Variants in CAP2 observed in about 807,000 individuals in gnomAD.
CAP2 encodes adenylyl cyclase-associated protein 2.
A neutral mutation model predicts 57.7 loss-of-function variants in CAP2; 24 were observed. That is an observed-to-expected ratio of 0.42 (90% CI 0.30 to 0.58). The LOEUF is 0.58. Ranked by LOEUF, CAP2 falls within the 20% of genes least tolerant of loss-of-function variation. The probability of loss-of-function intolerance (pLI) is 0.22; values close to 1 mark genes in which losing one functional copy is unlikely to be tolerated. For missense variants in CAP2, 501 were observed against 590.3 expected (o/e 0.85, Z 1.57); for synonymous variants, 194 against 207.2 (o/e 0.94, Z 0.55).
At chr6:17,541,235 T>G in intron 9 of CAP2, 87 bp downstream of exon 9, 1 of 1,080,478 alleles carries the variant, frequency 9.3e-7, no homozygotes, top group Non-Finnish European at 1.3e-6. Context: ...TCTGAAGGAT[T>G]TCTTTTTTTT....
intron 4 of CAP2, among the ~76,000 whole-genome samples, chr6:17,493,886 G>T (rs1029294984): frequency 6.6e-6 from 1 of 151,998 alleles, no homozygotes; most frequent in African/African-American, 2.4e-5. Context: ...GTCTAAATCG[G>T]AATTCCTGGT....
chr6:17,463,313 A>T (rs1431662192), intron 4 of CAP2, among the ~76,000 whole-genome samples: 3 of 152,112 alleles, frequency 2.0e-5, no homozygotes, highest in Non-Finnish European at 4.4e-5. Context: ...AAAAGAAAGA[A>T]AAAAAGCAAT....
rs1425799286 is a variant in CAP2 at position 17,556,972 on chromosome 6, C to T, written c.*530C>T. On this transcript the variant is annotated 3_prime_UTR_variant, in exon 13 of 13. Transcript: ENST00000229922. The stretch of plus-strand genomic sequence containing the variant: ...GCATGAGTACATATTTCAACCCACG[C>T]TTGTAAAAGACATAAGAGTTTATAA... 8.0e-6 allele frequency: 1 copy of T among 125,362 alleles called. No individual in the cohort carries two copies. Among genetic ancestry groups the T allele is most frequent in the Non-Finnish European group, 1.7e-5 (1 of 60,242 alleles). 7.8% of individuals were successfully genotyped at this position (125,362 alleles called of 1,614,324 possible).
chr6:17,394,842 G>A (rs1758629722), intron 1 of CAP2, among the ~76,000 whole-genome samples: 1 of 152,140 alleles, frequency 6.6e-6, no homozygotes, highest in Non-Finnish European at 1.5e-5. Flanking sequence ...GCAAGGATGG[G>A]TTGTTTGGTA....
At chr6:17,487,704 C>T (rs1458566255) in intron 4 of CAP2, among the ~76,000 whole-genome samples, 1 of 152,222 alleles carries the variant, frequency 6.6e-6, no homozygotes, top group Non-Finnish European at 1.5e-5. Flanking sequence ...CTTCTGGCCT[C>T]AGGTGATCCA....
intron 3 of CAP2, among the ~76,000 whole-genome samples, chr6:17,440,745 T>C (rs914531804): frequency 1.3e-5 from 2 of 151,282 alleles, no homozygotes; most frequent in Non-Finnish European, 2.9e-5. Context: ...TATGTACTCA[T>C]GTGCCGTGTT....
chr6:17,454,530 C>G (rs533074963), intron 3 of CAP2, among the ~76,000 whole-genome samples: 3 of 152,222 alleles, frequency 2.0e-5, no homozygotes, highest in Non-Finnish European at 4.4e-5. Flanking sequence ...TCCTTTCACT[C>G]TTCTTTTGTA....
intron 7 of CAP2, among the ~76,000 whole-genome samples, chr6:17,525,811 A>G (rs370184413): frequency 6.6e-6 from 1 of 152,116 alleles, no homozygotes; most frequent in African/African-American, 2.4e-5. Flanking sequence ...GAGCCTTCCA[A>G]ACTAGACACG....
intron 4 of CAP2, among the ~76,000 whole-genome samples, chr6:17,495,263 G>C (rs929392488): frequency 2.0e-5 from 3 of 152,154 alleles, no homozygotes; most frequent in African/African-American, 7.2e-5. Context: ...CCAGCACCTG[G>C]ACCAGCTCTG....
At chr6:17,529,397 T>G (rs1184234975) in intron 7 of CAP2, among the ~76,000 whole-genome samples, 5 of 152,086 alleles carry the variant, frequency 3.3e-5, no homozygotes, top group African/African-American at 1.2e-4. Context: ...ATCCCAACAC[T>G]TTGGGAGGCC....
At chr6:17,459,402 T>C (rs1265914388) in intron 3 of CAP2, among the ~76,000 whole-genome samples, 1 of 152,138 alleles carries the variant, frequency 6.6e-6, no homozygotes, top group Non-Finnish European at 1.5e-5. Flanking sequence ...TCCAATATGA[T>C]GGCAAGGAAT....
At chr6:17,397,714 A>G (rs1014368347) in intron 1 of CAP2, among the ~76,000 whole-genome samples, 1 of 150,676 alleles carries the variant, frequency 6.6e-6, no homozygotes, top group East Asian at 1.9e-4. Context: ...AAAAAAAAAA[A>G]AAAGAATTAC....
At chr6:17,403,176 A>G (rs1294785897) in intron 1 of CAP2, among the ~76,000 whole-genome samples, 3 of 152,194 alleles carry the variant, frequency 2.0e-5, no homozygotes, top group Non-Finnish European at 4.4e-5. Context: ...ATCTTGGCTC[A>G]CTGCAACCTC....
At position 17,467,950 on chromosome 6, in the gene CAP2, C is replaced by T. The variant is rs553491165; in HGVS notation, c.300+4877C>T. On this transcript the variant is annotated intron_variant, in intron 4 of 12. Coordinates refer to ENST00000229922, the MANE Select transcript of CAP2 (RefSeq NM_006366.3). ...TACCCATTAACCATCCCCACCTCCCCGCCTCAGCTCCCCCACTACCCTTCC... is the reference window on the plus strand; with the variant it reads ...TACCCATTAACCATCCCCACCTCCCTGCCTCAGCTCCCCCACTACCCTTCC... Among the ~76,000 whole-genome samples, 10 of 152,238 alleles carry T rather than the reference C, an allele frequency of 6.6e-5. No homozygotes were observed. In the East Asian group the frequency reaches 1.9e-3, roughly 29 times the overall value.
chr6:17,467,527 T>C (rs1368462275), intron 4 of CAP2, among the ~76,000 whole-genome samples: 1 of 151,972 alleles, frequency 6.6e-6, no homozygotes, highest in African/African-American at 2.4e-5. Context: ...ACTCTTAACG[T>C]TTGTTTGTTT....
chr6:17,526,708 AG>A (rs984974283), intron 7 of CAP2, among the ~76,000 whole-genome samples: 4 of 152,132 alleles, frequency 2.6e-5, no homozygotes, highest in Admixed American at 1.3e-4. Flanking sequence ...CTGTAATTCC[AG>A]CACTTTGGGA....
At chr6:17,476,649 T>C (rs564882522) in intron 4 of CAP2, among the ~76,000 whole-genome samples, 2 of 152,258 alleles carry the variant, frequency 1.3e-5, no homozygotes, top group East Asian at 3.9e-4. Flanking sequence ...TCAACTTTTC[T>C]TTGTTCTGCC....
At chr6:17,534,745 C>T (rs756325867) in intron 7 of CAP2, among the ~76,000 whole-genome samples, 16 of 152,202 alleles carry the variant, frequency 1.1e-4, no homozygotes, top group Admixed American at 2.0e-4. Context: ...CTGATCCTTT[C>T]CTTCTCATCC....
intron 4 of CAP2, among the ~76,000 whole-genome samples, chr6:17,483,761 C>T (rs1761354629): frequency 6.6e-6 from 1 of 152,112 alleles, no homozygotes; most frequent in African/African-American, 2.4e-5. Flanking sequence ...AGATTCCTCT[C>T]CCCGGCGTGG....
Sources: gnomAD v4.1 joint callset for allele counts (sites outside exome capture counted in the v4.1 genomes callset) on GRCh38, gnomAD v4.1.1 for gene constraint, MANE v1.5 for transcripts, NCBI Gene and HGNC (gene_info 2026-07-23, HGNC 2026-07-21) for gene names.